ATAD5: variants seen among roughly 807,000 people sequenced by gnomAD.
ATAD5 encodes ATPase family AAA domain-containing protein 5.
Under a neutral mutation model 176.9 loss-of-function variants are expected in ATAD5, and 58 were observed. That is an observed-to-expected ratio of 0.33 (90% CI 0.27 to 0.41). The LOEUF is 0.41. ATAD5 is among the 10% of genes least tolerant of loss of function. ATAD5 has a pLI of 1.00. For synonymous variants in ATAD5, 640 were observed against 712.6 expected (o/e 0.90, Z 1.62); for missense variants, 1,789 against 2,094.1 (o/e 0.85, Z 2.84).
intron 19 of ATAD5, 48 bp from the exon 20 acceptor site, chr17:30,892,554 GATACA>G: frequency 8.0e-7 from 1 of 1,256,860 alleles, no homozygotes; most frequent in South Asian, 2.1e-5. Context: ...ATAATTGTTT[GATACA>G]ATTTGTTTAA....
At chr17:30,852,376 C>A (rs1287768237) in intron 6 of ATAD5, among the ~76,000 whole-genome samples, 1 of 152,094 alleles carries the variant, frequency 6.6e-6, no homozygotes, top group African/African-American at 2.4e-5. Context: ...CTCAGCTCTG[C>A]AGTTAGCCAT....
At chr17:30,836,459 T>C (rs186985510) in intron 2 of ATAD5, among the ~76,000 whole-genome samples, 108 of 152,254 alleles carry the variant, frequency 7.1e-4, no homozygotes, top group African/African-American at 2.5e-3. Context: ...ATTATAGTCG[T>C]GAGCCACTGC....
Position 30,858,171 on chromosome 17 carries a change from C to T in ATAD5, c.2804C>T (p.Thr935Ile). Residue 935 changes from threonine to isoleucine, a missense_variant, in exon 9 of 23, where the codon ACA becomes ATA. By Grantham distance (89) the Thr-to-Ile change is moderately conservative. Transcript: ENST00000321990. ...TATTCTTTATTGCAGTTCATGAGGACAAGGAAGGAATTTACTGAAGAAGTA... is the reference window on the plus strand; with the variant it reads ...TATTCTTTATTGCAGTTCATGAGGATAAGGAAGGAATTTACTGAAGAAGTA... ...SGNSAAVFMR[T>I]RKEFTEEVRN... The T allele has an allele frequency of 1.3e-6, 2 of 1,555,356 alleles. No individual in the cohort carries two copies. The highest frequency in any genetic ancestry group is 1.7e-6 in the Non-Finnish European group (2 of 1,152,978).
chr17:30,869,689 A>C, intron 14 of ATAD5, 43 bp downstream of exon 14: 1 of 1,539,134 alleles, frequency 6.5e-7, no homozygotes. Context: ...TTTGAAAAAA[A>C]TAAAATCTAA....
chr17:30,841,580 A>C (rs766358328), intron 4 of ATAD5, among the ~76,000 whole-genome samples: 1 of 152,104 alleles, frequency 6.6e-6, no homozygotes, highest in East Asian at 1.9e-4. Context: ...ACCGTAGTCA[A>C]TTTTGGAACA....
chr17:30,832,100 A>G lies in ATAD5; in HGVS notation c.-248A>G, dbSNP rs1034102668. 2 of 391,970 alleles carry G rather than the reference A, an allele frequency of 5.1e-6. No homozygotes were observed. Among genetic ancestry groups the G allele is most frequent in the Non-Finnish European group, 9.0e-6 (2 of 221,652 alleles). The allele number at this position is 391,970 out of a possible 1,614,324, so 24.3% of individuals were successfully genotyped here. The stretch of plus-strand genomic sequence containing the variant: ...AGCGCCGCTTTCGAGGGCACCCTGC[A>G]TACACTGGCCGCGCCTCAGGGATCT... On this transcript the variant is annotated 5_prime_UTR_variant, in exon 1 of 23. Transcript: ENST00000321990.
At position 30,850,867 on chromosome 17, in the gene ATAD5, A is replaced by T. The variant is rs1197299932; in HGVS notation, c.2451-4276A>T. The stretch of plus-strand genomic sequence containing the variant: ...TATATATATATATATATATATATAT[A>T]TATTTTTTTTTTTTTTTTTTTTTTT... On this transcript the variant is annotated intron_variant, in intron 6 of 22. Transcript: ENST00000321990. Among the ~76,000 whole-genome samples, 117 of 18,866 alleles carry T rather than the reference A, an allele frequency of 6.2e-3. 4 individuals are homozygous for T. Among genetic ancestry groups the T allele is most frequent in the Non-Finnish European group, 8.5e-3 (88 of 10,400 alleles). 12.4% of individuals were successfully genotyped at this position (18,866 alleles called of 152,430 possible).
intron 14 of ATAD5, among the ~76,000 whole-genome samples, chr17:30,876,007 A>G (rs562350135): frequency 3.2e-4 from 48 of 149,790 alleles, no homozygotes; most frequent in Admixed American, 8.0e-4. Context: ...CGTGGTGGCG[A>G]GTGCCTGTAG....
At chr17:30,837,830 A>G (rs896005418) in intron 3 of ATAD5, among the ~76,000 whole-genome samples, 1 of 152,208 alleles carries the variant, frequency 6.6e-6, no homozygotes, top group Non-Finnish European at 1.5e-5. Context: ...TAATACCATT[A>G]CATAGTGGGT....
intron 3 of ATAD5, among the ~76,000 whole-genome samples, chr17:30,839,682 CG>C (rs57619335): frequency 1 from 150,440 of 150,448 alleles, 75,216 homozygotes; most frequent in Middle Eastern, 1. Flanking sequence ...TGGGTTCAAG[CG>C]GATTCTCCTG....
At chr17:30,893,185 G>A (rs1204032544) in intron 20 of ATAD5, 109 bp from the exon 21 acceptor site, 1 of 1,153,346 alleles carries the variant, frequency 8.7e-7, no homozygotes, top group African/African-American at 1.6e-5. Flanking sequence ...GAGGGGTAGT[G>A]ACTCAGTACT....
chr17:30,852,891 C>CT (rs534378483), intron 6 of ATAD5, among the ~76,000 whole-genome samples: 3,032 of 141,566 alleles, frequency 0.021, 105 homozygotes, highest in African/African-American at 0.067. Flanking sequence ...ATATTTCTTT[C>CT]TTTTTTTTTT....
intron 7 of ATAD5, among the ~76,000 whole-genome samples, chr17:30,855,654 CA>C (rs1478958097): frequency 6.6e-6 from 1 of 151,942 alleles, no homozygotes; most frequent in Non-Finnish European, 1.5e-5. Context: ...CTGGGCAACA[CA>C]GCAAGATCCT....
intron 18 of ATAD5, among the ~76,000 whole-genome samples, chr17:30,886,371 A>G (rs2142443082): frequency 7.0e-6 from 1 of 142,202 alleles, no homozygotes; most frequent in East Asian, 2.1e-4. Context: ...AAATTGAATT[A>G]TTTTATTTAT....
chr17:30,890,002 G>A lies in ATAD5; in HGVS notation c.4259-2605G>A, dbSNP rs552265141. On this transcript the variant is annotated intron_variant, in intron 19 of 22. Transcript: ENST00000321990. Reference sequence around the variant, plus strand: ...ATCTCCTGGACTCGAGCCGTCTTCCGCCCTGAGCCTCCTGAGTAGCTGGAA... The same window carrying A: ...ATCTCCTGGACTCGAGCCGTCTTCCACCCTGAGCCTCCTGAGTAGCTGGAA... Among the ~76,000 whole-genome samples, 7 of 144,380 alleles carry A rather than the reference G, an allele frequency of 4.8e-5. No homozygotes were observed. The East Asian group carries it at 1.1e-3, about 22-fold the overall frequency. 94.7% of individuals were successfully genotyped at this position (144,380 alleles called of 152,430 possible).
Position 30,895,033 on chromosome 17 carries a change from G to GTT in ATAD5, c.*121_*122insTT. 2 of 615,616 alleles carry GTT rather than the reference G, an allele frequency of 3.2e-6. No individual in the cohort carries two copies. The highest frequency in any genetic ancestry group is 5.0e-6 in the Non-Finnish European group (2 of 402,916). The allele number at this position is 615,616 out of a possible 1,614,324, so 38.1% of individuals were successfully genotyped here. A position where few individuals can be genotyped will look rare whatever the true frequency, so the allele number is the denominator to read the frequency against. ...GATGTACATTTTAAACAAACAATTT[G>GTT]TATATTTTTTTATTGGCGGGTAAAT... On this transcript the variant is annotated 3_prime_UTR_variant, in exon 23 of 23. Transcript: ENST00000321990.
chr17:30,874,132 T>C (rs1436763697), intron 14 of ATAD5, among the ~76,000 whole-genome samples: 1 of 151,870 alleles, frequency 6.6e-6, no homozygotes, highest in Non-Finnish European at 1.5e-5. Flanking sequence ...GCCACTGCAC[T>C]CCAGCCTGGG....
chr17:30,865,366 G>A (rs1907920085), intron 10 of ATAD5, among the ~76,000 whole-genome samples: 1 of 151,990 alleles, frequency 6.6e-6, no homozygotes, highest in African/African-American at 2.4e-5. Flanking sequence ...TAGAGACGGG[G>A]TTTCACCGTG....
Position 30,894,131 on chromosome 17 carries a change from C to T in ATAD5, c.5278C>T (p.Gln1760Ter). ...SQKRNNVYFS[Q>*]SAANLDNAWK... is the part of the protein sequence containing the mutation. ...AAAGCGCAATAATGTATACTTTAGT[C>T]AGTCAGCAGCTAATTTAGAGTAAGT... Residue 1760 changes from glutamine to a stop codon, truncating the protein, a stop_gained, in exon 21 of 23, where the codon CAG becomes TAG. Coordinates refer to ENST00000321990, the MANE Select transcript of ATAD5 (RefSeq NM_024857.5). LOFTEE classifies it high-confidence loss of function. The T allele has an allele frequency of 1.9e-6, 3 of 1,558,746 alleles. No individual in the cohort carries two copies. The highest frequency in any genetic ancestry group is 2.6e-6 in the Non-Finnish European group (3 of 1,152,024).
Sources: allele counts gnomAD v4.1 joint callset (sites outside exome capture counted in the v4.1 genomes callset), GRCh38; gene constraint gnomAD v4.1.1; transcripts MANE v1.5; gene names NCBI Gene and HGNC (gene_info 2026-07-23, HGNC 2026-07-21).